Variants in CSMD1 observed in about 807,000 individuals in gnomAD.
The protein encoded by CSMD1 is CUB and sushi domain-containing protein 1.
In CSMD1, 213 loss-of-function variants were observed where a neutral mutation model predicts 417.5. That is an observed-to-expected ratio of 0.51 (90% CI 0.46 to 0.57). The LOEUF (loss-of-function observed/expected upper bound fraction) is 0.57. Among genes scored for constraint, CSMD1 ranks in the 20% least tolerant of loss-of-function variants. The probability of loss-of-function intolerance (pLI) is 0.00; values close to 1 mark genes in which losing one functional copy is unlikely to be tolerated. For synonymous variants in CSMD1, 2,862 were observed against 1,736.8 expected, an observed-to-expected ratio of 1.65 and a Z score of -16.11; for missense variants, 6,923 against 4,529.7, an observed-to-expected ratio of 1.53 and a Z score of -15.17.
chr8:3,783,425 C>T (rs1447784196), intron 5 of CSMD1, among the ~76,000 whole-genome samples: 4 of 152,150 alleles, frequency 2.6e-5, no homozygotes, highest in Non-Finnish European at 4.4e-5. Flanking sequence ...CGGCCCTGGG[C>T]GGCCCTATGC....
chr8:2,973,311 A>G lies in CSMD1; in HGVS notation c.8741-12T>C. On this transcript the variant is annotated splice_polypyrimidine_tract_variant and intron_variant, in intron 56 of 69. Coordinates refer to ENST00000635120, the MANE Select transcript of CSMD1 (RefSeq NM_033225.6). ...TCCAGGATTATTTCCTATTGAAAAC[A>G]AACACATACGGCAATCCACAATTGT... The G allele has an allele frequency of 6.2e-7, 1 of 1,612,778 alleles. No homozygotes were observed. The highest frequency in any genetic ancestry group is 8.5e-7 in the Non-Finnish European group (1 of 1,179,038).
At chr8:4,454,848 G>T (rs1370524032) in intron 2 of CSMD1, among the ~76,000 whole-genome samples, 1 of 152,168 alleles carries the variant, frequency 6.6e-6, no homozygotes, top group African/African-American at 2.4e-5. Flanking sequence ...TTTTTCCACA[G>T]TTTAGTTTTA....
chr8:4,031,843 G>T lies in CSMD1; in HGVS notation c.610+62C>A, dbSNP rs114322093. 8 of 1,269,100 alleles carry T rather than the reference G, an allele frequency of 6.3e-6. No homozygotes were observed. The African/African-American group carries it at 7.5e-5, about 12-fold the overall frequency. The allele number at this position is 1,269,100 out of a possible 1,614,324, so 78.6% of individuals were successfully genotyped here. A position where few individuals can be genotyped will look rare whatever the true frequency, so the allele number is the denominator to read the frequency against. On this transcript the variant is annotated intron_variant, in intron 4 of 69. Transcript: ENST00000635120. Reference sequence around the variant, plus strand: ...CATTTAAGTGGAAACTTTCATAAAAGCATCTCCAAAACCATTGCCCTGCCC... The same window carrying T: ...CATTTAAGTGGAAACTTTCATAAAATCATCTCCAAAACCATTGCCCTGCCC...
At chr8:3,745,843 A>C (rs774516216) in intron 6 of CSMD1, among the ~76,000 whole-genome samples, 1 of 152,228 alleles carries the variant, frequency 6.6e-6, no homozygotes, top group African/African-American at 2.4e-5. Flanking sequence ...AGCTGTGAAT[A>C]ATCTGTGGTT....
chr8:4,411,941 A>C (rs781769981), intron 3 of CSMD1, among the ~76,000 whole-genome samples: 1 of 152,052 alleles, frequency 6.6e-6, no homozygotes, highest in African/African-American at 2.4e-5. Flanking sequence ...TTTTAATAGT[A>C]CTAGAACTTA....
chr8:3,880,072 G>T (rs983296079), intron 5 of CSMD1, among the ~76,000 whole-genome samples: 7 of 150,180 alleles, frequency 4.7e-5, no homozygotes, highest in Non-Finnish European at 8.9e-5. Flanking sequence ...TTTTTTGACT[G>T]AGAACTCCTA....
chr8:4,219,256 A>G (rs758027953), intron 3 of CSMD1, among the ~76,000 whole-genome samples: 1 of 152,118 alleles, frequency 6.6e-6, no homozygotes, highest in South Asian at 2.1e-4. Flanking sequence ...TATAGTTACC[A>G]CTTTACAAAT....
intron 37 of CSMD1, among the ~76,000 whole-genome samples, chr8:3,175,169 A>G (rs1820828359): frequency 6.6e-6 from 1 of 152,232 alleles, no homozygotes; most frequent in South Asian, 2.1e-4. Flanking sequence ...ATTTGACTAA[A>G]GAAAAGTAAT....
chr8:4,830,481 G>C (rs552427054), intron 1 of CSMD1, among the ~76,000 whole-genome samples: 1 of 152,274 alleles, frequency 6.6e-6, no homozygotes, highest in Non-Finnish European at 1.5e-5. Context: ...TTGCTAGATT[G>C]TCATCATAGA....
At chr8:3,363,103 A>T (rs1267361098) in intron 20 of CSMD1, among the ~76,000 whole-genome samples, 2 of 152,084 alleles carry the variant, frequency 1.3e-5, no homozygotes, top group African/African-American at 4.8e-5. Flanking sequence ...GCTTTATCCT[A>T]AACTTGGTGT....
At chr8:3,596,150 G>A (rs1801083506) in intron 8 of CSMD1, among the ~76,000 whole-genome samples, 1 of 152,202 alleles carries the variant, frequency 6.6e-6, no homozygotes, top group Admixed American at 6.5e-5. Flanking sequence ...GAAACAGTGA[G>A]GAGTGTCGGA....
At chr8:3,451,624 G>C (rs1185816013) in intron 12 of CSMD1, among the ~76,000 whole-genome samples, 2 of 152,106 alleles carry the variant, frequency 1.3e-5, no homozygotes, top group East Asian at 3.9e-4. Context: ...GCAGATACTT[G>C]TAGATATATG....
chr8:3,367,330 A>AGGGAGC (rs1369192737), intron 19 of CSMD1, 83 bp from the exon 20 acceptor site: 1 of 822,558 alleles, frequency 1.2e-6, no homozygotes, highest in Admixed American at 2.1e-5. Flanking sequence ...CGGGGCAGAG[A>AGGGAGC]GAGACAGAGA....
At chr8:4,102,521 G>A (rs1249618475) in intron 3 of CSMD1, among the ~76,000 whole-genome samples, 2 of 152,094 alleles carry the variant, frequency 1.3e-5, no homozygotes, top group Non-Finnish European at 2.9e-5. Context: ...AGCGACAATG[G>A]GGAGGCTTAT....
rs556521039 is a variant in CSMD1 at position 3,030,805 on chromosome 8, G to C, written c.7661-1292C>G. Among the ~76,000 whole-genome samples the C allele has an allele frequency of 3.3e-5, 5 of 152,128 alleles. No individual in the cohort carries two copies. The East Asian group carries it at 7.7e-4, about 23-fold the overall frequency. On this transcript the variant is annotated intron_variant, in intron 50 of 69. Transcript: ENST00000635120. ...AAGCCTATATTCAAATTCTATACAA[G>C]TTTATTAGAATTGAGTCAGGCATAA...
intron 5 of CSMD1, among the ~76,000 whole-genome samples, chr8:3,900,585 CTCT>C (rs1807678027): frequency 6.6e-6 from 1 of 151,382 alleles, no homozygotes; most frequent in African/African-American, 2.4e-5. Context: ...CTGGATGACA[CTCT>C]AGCTGGGTGA....
At chr8:3,517,100 A>G (rs1354248271) in intron 10 of CSMD1, among the ~76,000 whole-genome samples, 1 of 152,184 alleles carries the variant, frequency 6.6e-6, no homozygotes, top group Non-Finnish European at 1.5e-5. Flanking sequence ...CGGCCTTCTC[A>G]GGAGAGGAAG....
intron 3 of CSMD1, among the ~76,000 whole-genome samples, chr8:4,061,017 T>G (rs909286883): frequency 1.3e-5 from 2 of 152,174 alleles, no homozygotes; most frequent in African/African-American, 4.8e-5. Context: ...AGAATTAATT[T>G]CACAATACCC....
At chr8:3,736,298 G>C (rs1262325808) in intron 6 of CSMD1, among the ~76,000 whole-genome samples, 1 of 152,006 alleles carries the variant, frequency 6.6e-6, no homozygotes, top group Non-Finnish European at 1.5e-5. Flanking sequence ...CTAGAGTGCA[G>C]TGGGGCAATC....
Sources: gnomAD v4.1 joint callset for allele counts (sites outside exome capture counted in the v4.1 genomes callset) on GRCh38, gnomAD v4.1.1 for gene constraint, MANE v1.5 for transcripts, NCBI Gene and HGNC (gene_info 2026-07-23, HGNC 2026-07-21) for gene names.